CCDC172: variants seen among roughly 807,000 people sequenced by gnomAD.
CCDC172 encodes the protein coiled-coil domain containing 172.
CCDC172 carries 30 observed loss-of-function variants against 38.0 expected under a neutral mutation model. That is an observed-to-expected ratio of 0.79 (90% CI 0.59 to 1.07). The LOEUF is 1.07. CCDC172 is among the 50% of genes least tolerant of loss of function. The pLI is 0.00. For missense variants in CCDC172, 297 were observed against 290.1 expected, an observed-to-expected ratio of 1.02 and a Z score of -0.17; for synonymous variants, 78 against 88.3, an observed-to-expected ratio of 0.88 and a Z score of 0.66.
At chr10:116,338,531 C>G (rs935380015) in intron 3 of CCDC172, among the ~76,000 whole-genome samples, 7 of 151,874 alleles carry the variant, frequency 4.6e-5, no homozygotes, top group Non-Finnish European at 1.0e-4. Context: ...TGGATATGCC[C>G]TTTTTATAAA....
At chr10:116,345,993 T>G (rs1315656662) in intron 5 of CCDC172, among the ~76,000 whole-genome samples, 2 of 152,174 alleles carry the variant, frequency 1.3e-5, no homozygotes, top group Non-Finnish European at 2.9e-5. Context: ...TTTGGCAGTT[T>G]TATTCACAGT....
chr10:116,327,673 A>G (rs1844608172), intron 3 of CCDC172, among the ~76,000 whole-genome samples: 2 of 152,132 alleles, frequency 1.3e-5, no homozygotes, highest in Admixed American at 1.3e-4. Context: ...TATGTGGGTA[A>G]TAATACATTT....
At chr10:116,370,714 A>C (rs1845177310) in intron 7 of CCDC172, among the ~76,000 whole-genome samples, 1 of 149,772 alleles carries the variant, frequency 6.7e-6, no homozygotes, top group Non-Finnish European at 1.5e-5. Context: ...TTGAATGTTT[A>C]TTTTTTTCCA....
At chr10:116,335,801 T>C (rs553529421) in intron 3 of CCDC172, among the ~76,000 whole-genome samples, 1 of 152,304 alleles carries the variant, frequency 6.6e-6, no homozygotes, top group East Asian at 1.9e-4. Context: ...GTATTTATTT[T>C]GTTACTAGCT....
chr10:116,328,174 T>G (rs951676692), intron 3 of CCDC172, among the ~76,000 whole-genome samples: 1 of 152,086 alleles, frequency 6.6e-6, no homozygotes, highest in African/African-American at 2.4e-5. Context: ...AGAACTTGAA[T>G]GATAGCATTT....
At position 116,341,240 on chromosome 10, in the gene CCDC172, T is replaced by C. The variant is rs542858312; in HGVS notation, c.282+390T>C. ...TTCTGTTAACTCAGAGCCAACAGCCTGAGCAATAGTTTTGAATGACAGGGC... is the reference window on the plus strand; with the variant it reads ...TTCTGTTAACTCAGAGCCAACAGCCCGAGCAATAGTTTTGAATGACAGGGC... On this transcript the variant is annotated intron_variant, in intron 4 of 8. Transcript: ENST00000333254. Among the ~76,000 whole-genome samples, 18 of 152,178 alleles carry C rather than the reference T, an allele frequency of 1.2e-4. No individual in the cohort carries two copies. The East Asian group carries it at 3.5e-3, about 29-fold the overall frequency.
chr10:116,355,004 T>C (rs1330925200), intron 5 of CCDC172, among the ~76,000 whole-genome samples: 1 of 152,212 alleles, frequency 6.6e-6, no homozygotes, highest in Non-Finnish European at 1.5e-5. Flanking sequence ...AGTCAAAATG[T>C]TTTTAAAAAG....
intron 7 of CCDC172, among the ~76,000 whole-genome samples, chr10:116,371,348 T>C (rs1192712770): frequency 6.6e-6 from 1 of 151,978 alleles, no homozygotes; most frequent in African/African-American, 2.4e-5. Context: ...ATTATATTAA[T>C]GAATTTCTAA....
intron 7 of CCDC172, among the ~76,000 whole-genome samples, chr10:116,360,772 T>G (rs1303390837): frequency 4.6e-5 from 7 of 152,044 alleles, no homozygotes; most frequent in Non-Finnish European, 8.8e-5. Context: ...TCTCTTAAGT[T>G]TTATCATTGC....
At chr10:116,343,100 G>A (rs1445796769) in intron 5 of CCDC172, among the ~76,000 whole-genome samples, 1 of 152,076 alleles carries the variant, frequency 6.6e-6, no homozygotes, top group Non-Finnish European at 1.5e-5. Flanking sequence ...GCCAAGTAGG[G>A]AAAGTCAAGG....
chr10:116,347,629 A>G (rs1340558510), intron 5 of CCDC172, among the ~76,000 whole-genome samples: 2 of 152,144 alleles, frequency 1.3e-5, no homozygotes, highest in Non-Finnish European at 2.9e-5. Context: ...CATCATGATT[A>G]ACAATGAAAC....
At chr10:116,353,275 G>C (rs1485321263) in intron 5 of CCDC172, among the ~76,000 whole-genome samples, 1 of 151,980 alleles carries the variant, frequency 6.6e-6, no homozygotes, top group African/African-American at 2.4e-5. Flanking sequence ...CTAAATGTAA[G>C]AGCTAAAAAT....
chr10:116,357,345 T>C, intron 5 of CCDC172, 35 bp from the exon 6 acceptor site: 1 of 1,343,972 alleles, frequency 7.4e-7, no homozygotes, highest in South Asian at 1.4e-5. Context: ...TATTTCTAAG[T>C]ATTTTATTTT....
intron 3 of CCDC172, among the ~76,000 whole-genome samples, chr10:116,331,213 T>C (rs1187311020): frequency 2.0e-5 from 3 of 152,222 alleles, no homozygotes; most frequent in African/African-American, 7.2e-5. Flanking sequence ...TCAGTTTTAA[T>C]TTTGATACAG....
intron 7 of CCDC172, among the ~76,000 whole-genome samples, chr10:116,371,565 A>G (rs2134968581): frequency 6.6e-6 from 1 of 152,146 alleles, no homozygotes; most frequent in East Asian, 1.9e-4. Context: ...AAAGAAATTC[A>G]CTGTTTTCCT....
intron 5 of CCDC172, among the ~76,000 whole-genome samples, chr10:116,354,298 T>G (rs988234886): frequency 1.2e-4 from 19 of 152,238 alleles, no homozygotes; most frequent in Non-Finnish European, 2.6e-4. Context: ...ATTATTATAC[T>G]TTTTATAATT....
At chr10:116,329,426 G>C (rs1565710892) in intron 3 of CCDC172, among the ~76,000 whole-genome samples, 1 of 151,992 alleles carries the variant, frequency 6.6e-6, no homozygotes, top group Non-Finnish European at 1.5e-5. Flanking sequence ...GATTCCATTA[G>C]CTGTTATTCT....
chr10:116,376,283 C>T (rs1001862680), intron 7 of CCDC172, among the ~76,000 whole-genome samples: 1 of 145,794 alleles, frequency 6.9e-6, no homozygotes, highest in African/African-American at 2.5e-5. Flanking sequence ...AGGGTCAGGG[C>T]TCAACAAAAG....
intron 5 of CCDC172, among the ~76,000 whole-genome samples, chr10:116,346,227 G>T (rs1844864929): frequency 6.7e-6 from 1 of 150,160 alleles, no homozygotes; most frequent in South Asian, 2.1e-4. Flanking sequence ...AGGAGGCGGA[G>T]GTTGCAGTGA....
Sources: gnomAD v4.1 joint callset for allele counts (sites outside exome capture counted in the v4.1 genomes callset) on GRCh38, gnomAD v4.1.1 for gene constraint, MANE v1.5 for transcripts, NCBI Gene and HGNC (gene_info 2026-07-23, HGNC 2026-07-21) for gene names.